CCHCR1: variants seen among roughly 807,000 people sequenced by gnomAD.
The protein encoded by CCHCR1 is HCR (a-helix coiled-coil rod homologue).
Under a neutral mutation model 114.6 loss-of-function variants are expected in CCHCR1, and 91 were observed. That is an observed-to-expected ratio of 0.79 (90% CI 0.67 to 0.94). The LOEUF (loss-of-function observed/expected upper bound fraction) is 0.94, where lower values mean the gene tolerates loss of function less well. Ranked by LOEUF, CCHCR1 falls within the 40% of genes least tolerant of loss-of-function variation. The probability of loss-of-function intolerance (pLI) is 0.00; values close to 1 mark genes in which losing one functional copy is unlikely to be tolerated. For missense variants in CCHCR1, 899 were observed against 1,079.9 expected (o/e 0.83, Z 2.35); for synonymous variants, 379 against 428.5 (o/e 0.88, Z 1.43).
chr6:31,154,702 G>C lies in CCHCR1; in HGVS notation c.595C>G (p.Leu199Val). 6.2e-7 allele frequency: 1 copy of C among 1,609,950 alleles called. No homozygotes were observed. The highest frequency in any genetic ancestry group is 2.2e-5 in the East Asian group (1 of 44,882). ...TGCTGCAGCGAGGTCTCCCGCAGGAGCCGGACCTCCTCCTCCAGCCGCCGC... is the reference window on the plus strand; with the variant it reads ...TGCTGCAGCGAGGTCTCCCGCAGGACCCGGACCTCCTCCTCCAGCCGCCGC... ...ELRRLEEEVR[L>V]LRETSLQQKM... The change falls in exon 4 of 18, where the codon CTC becomes GTC. Residue 199 changes from leucine (L) to valine (V), a missense_variant. By Grantham distance (32) the Leu-to-Val change is conservative. Transcript: ENST00000396268. The surrounding 1 kb of genome is among the most constrained non-coding windows in gnomAD (Gnocchi z 4.1).
chr6:31,157,279 T>A (rs191682934), intron 1 of CCHCR1, 106 bp downstream of exon 1: 7 of 1,047,346 alleles, frequency 6.7e-6, no homozygotes, highest in Non-Finnish European at 9.7e-6. Flanking sequence ...TGGTTCCTCA[T>A]GGAACCCAAG....
At position 31,144,880 on chromosome 6, in the gene CCHCR1, G is replaced by C; in HGVS notation, c.2065+5C>G. On this transcript the variant is annotated splice_donor_5th_base_variant and intron_variant, in intron 14 of 17. Coordinates refer to ENST00000396268, the MANE Select transcript of CCHCR1 (RefSeq NM_001105564.2). The surrounding 1 kb of genome is among the most constrained non-coding windows in gnomAD (Gnocchi z 4.6). ...CAAGGGAAGCACCCATTTCCCTCTC[G>C]ACACCTTGCCCGTAGAGTTCCTGCT... 2 of 1,613,170 alleles carry C rather than the reference G, an allele frequency of 1.2e-6. No homozygotes were observed. Among genetic ancestry groups the C allele is most frequent in the Non-Finnish European group, 8.5e-7 (1 of 1,179,542 alleles).
At chr6:31,147,619 A>G (rs1367468505) in intron 10 of CCHCR1, among the ~76,000 whole-genome samples, 2 of 152,166 alleles carry the variant, frequency 1.3e-5, no homozygotes, top group African/African-American at 2.4e-5. Flanking sequence ...TACATTTTAG[A>G]TGGAATAGTA....
Position 31,150,179 on chromosome 6 carries a change from T to C in CCHCR1, c.1249A>G (p.Arg417Gly). Residue 417 changes from arginine to glycine, a missense_variant, in exon 8 of 18, where the codon AGG (arginine) becomes GGG (glycine). Coordinates refer to ENST00000396268, the MANE Select transcript of CCHCR1 (RefSeq NM_001105564.2). The surrounding 1 kb of genome is among the most constrained non-coding windows in gnomAD (Gnocchi z 5.3). ...PSDSLEPEFTRKCQSLLNRWR... is the reference protein window; with the variant it reads ...PSDSLEPEFTGKCQSLLNRWR... The stretch of plus-strand genomic sequence containing the variant: ...CGGTTCAGCAGGGACTGGCACTTCC[T>C]GGTAAACTCAGGCTCCAGGGAATCT... The C allele has an allele frequency of 6.2e-7, 1 of 1,614,218 alleles. No homozygotes were observed. The highest frequency in any genetic ancestry group is 8.5e-7 in the Non-Finnish European group (1 of 1,180,038).
At chr6:31,147,147 T>C (rs1374652412) in intron 10 of CCHCR1, among the ~76,000 whole-genome samples, 1 of 152,080 alleles carries the variant, frequency 6.6e-6, no homozygotes. Flanking sequence ...AAGCCTGTAA[T>C]CCCAGCACTT....
chr6:31,152,952 C>T (rs72856706), intron 4 of CCHCR1, among the ~76,000 whole-genome samples: 12,890 of 152,080 alleles, frequency 0.085, 662 homozygotes, highest in Middle Eastern at 0.16. Flanking sequence ...CACTGGACTT[C>T]ACACGCCTCT....
chr6:31,157,371 G>A lies in CCHCR1; in HGVS notation c.216+14C>T. The A allele has an allele frequency of 6.3e-7, 1 of 1,592,992 alleles. No individual in the cohort carries two copies. Among genetic ancestry groups the A allele is most frequent in the Non-Finnish European group, 8.6e-7 (1 of 1,161,916 alleles). On this transcript the variant is annotated intron_variant, in intron 1 of 17. Transcript: ENST00000396268. ...CTTTACTCATACTTTCAGGATTCTGGGCAGTGCCTCTACCCTCCTCCTTAA... is the reference window on the plus strand; with the variant it reads ...CTTTACTCATACTTTCAGGATTCTGAGCAGTGCCTCTACCCTCCTCCTTAA...
rs765283990 is a variant in CCHCR1 at position 31,154,722 on chromosome 6, C to T, written c.575G>A (p.Arg192Gln). The change falls in exon 4 of 18, where the codon CGG (arginine) becomes CAG (glutamine). Residue 192 changes from arginine to glutamine, a missense_variant. Coordinates refer to ENST00000396268, the MANE Select transcript of CCHCR1 (RefSeq NM_001105564.2). The surrounding 1 kb of genome is among the most constrained non-coding windows in gnomAD (Gnocchi z 4.1). ...CAGGAGCCGGACCTCCTCCTCCAGC[C>T]GCCGCAGCTCTTGCAGCTGCCGAAC... ...VIVRQLQELR[R>Q]LEEEVRLLRE... 3 of 1,608,670 alleles carry T rather than the reference C, an allele frequency of 1.9e-6. No individual in the cohort carries two copies. The highest frequency in any genetic ancestry group is 2.5e-6 in the Non-Finnish European group (3 of 1,179,732).
rs750557292 is a variant in CCHCR1, at chr6:31,150,897, G to A, written c.966-37C>T. ...GTGGGAATGGGACAGCCATCAGTGG[G>A]GCGCCCTGCAGATCCACCACATCAC... On this transcript the variant is annotated intron_variant, in intron 5 of 17. Transcript: ENST00000396268. The surrounding 1 kb of genome is among the most constrained non-coding windows in gnomAD (Gnocchi z 5.3). 6.2e-7 allele frequency: 1 copy of A among 1,611,506 alleles called. No individual in the cohort carries two copies. The highest frequency in any genetic ancestry group is 1.7e-5 in the Admixed American group (1 of 59,940).
intron 3 of CCHCR1, among the ~76,000 whole-genome samples, chr6:31,155,207 G>A (rs1003228473): frequency 7.9e-5 from 12 of 152,084 alleles, no homozygotes; most frequent in Non-Finnish European, 1.8e-4. Context: ...GAACACACAG[G>A]GACTTCTCAA....
chr6:31,145,283 C>T lies in CCHCR1; in HGVS notation c.1759G>A (p.Val587Ile). 6.2e-7 allele frequency: 1 copy of T among 1,614,028 alleles called. No homozygotes were observed. The highest frequency in any genetic ancestry group is 1.1e-5 in the South Asian group (1 of 91,078). The change falls in exon 13 of 18, where the codon GTC (valine) becomes ATC (isoleucine). Residue 587 changes from valine (V) to isoleucine (I), a missense_variant. Physicochemically the swap from Val to Ile is conservative, Grantham distance 29. Coordinates refer to ENST00000396268, the MANE Select transcript of CCHCR1 (RefSeq NM_001105564.2). ...RQESCPLPPP[V>I]TDVSLELQQL... is the part of the protein sequence containing the mutation. ...TGCAACTCAAGGCTCACGTCTGTGACCGGTGGTGGTAGGGGACAGCTGGGA... is the reference window on the plus strand; with the variant it reads ...TGCAACTCAAGGCTCACGTCTGTGATCGGTGGTGGTAGGGGACAGCTGGGA...
intron 3 of CCHCR1, 88 bp downstream of exon 3, chr6:31,156,643 T>C: frequency 8.8e-7 from 1 of 1,140,936 alleles, no homozygotes; most frequent in African/African-American, 1.6e-5. Context: ...TTCTGGAAAC[T>C]AGGGCCGAAA....
In CCHCR1 at chr6:31,150,845, G is replaced by C; in HGVS notation, c.981C>G (p.Asp327Glu). 1 of 1,612,848 alleles carries C rather than the reference G, an allele frequency of 6.2e-7. No individual in the cohort carries two copies. The highest frequency in any genetic ancestry group is 8.5e-7 in the Non-Finnish European group (1 of 1,179,906). ...LRKQLSKTQEDLEAQVTLVEN... is the reference protein window; with the variant it reads ...LRKQLSKTQEELEAQVTLVEN... ...CAACCAGGGTCACCTGAGCCTCCAA[G>C]TCTTCCTGGGTCTTGCTAGGGTTGG... is the stretch of plus-strand genomic sequence containing the variant. The change falls in exon 6 of 18, where the codon GAC becomes GAG. Residue 327 changes from aspartate (D) to glutamate (E), a missense_variant. Coordinates refer to ENST00000396268, the MANE Select transcript of CCHCR1 (RefSeq NM_001105564.2). The surrounding 1 kb of genome is among the most constrained non-coding windows in gnomAD (Gnocchi z 5.3).
chr6:31,148,638 C>T lies in CCHCR1; in HGVS notation c.1453G>A (p.Val485Met). The change falls in exon 9 of 18, where the codon GTG becomes ATG. Residue 485 changes from valine to methionine, a missense_variant. Physicochemically the swap from Val to Met is conservative, Grantham distance 21 (BLOSUM62 1). Transcript: ENST00000396268. ...CCAACCTTGGCACCCATACGCTCCA[C>T]CTCCACCTCTGCGGCTTTGTCCTGC... Reference protein sequence around the residue: ...SLQDKAAEVEVERMGAKGLQL... With the variant: ...SLQDKAAEVEMERMGAKGLQL... 6.2e-7 allele frequency: 1 copy of T among 1,612,310 alleles called. No homozygotes were observed. The highest frequency in any genetic ancestry group is 8.5e-7 in the Non-Finnish European group (1 of 1,179,302).
In CCHCR1 at chr6:31,148,057, G is replaced by A. The variant is rs989680838; in HGVS notation, c.1580+348C>T. 5.3e-5 allele frequency among the ~76,000 whole-genome samples: 8 copies of A among 152,204 alleles called. No individual in the cohort carries two copies. The East Asian group carries it at 5.8e-4, about 11-fold the overall frequency. On this transcript the variant is annotated intron_variant, in intron 10 of 17. Transcript: ENST00000396268. ...AAATTTTAGAAAAAAAAAGGAAGAT[G>A]AAGTGTCTACACTCTCCATCCTTGA...
Position 31,156,903 on chromosome 6 carries a change from G to A in CCHCR1, c.325C>T (p.Pro109Ser). ...GCCATTCTTGGCAGAGTTGAAAGGGGCCGAGCTTGAAAGTGGGAGGGGGGA... is the reference window on the plus strand; with the variant it reads ...GCCATTCTTGGCAGAGTTGAAAGGGACCGAGCTTGAAAGTGGGAGGGGGGA... ...LIPPSHFQAR[P>S]LSTLPRMAPT... Residue 109 changes from proline to serine, a missense_variant, in exon 3 of 18, where the codon CCC becomes TCC. By Grantham distance (74) the Pro-to-Ser change is moderately conservative. Transcript: ENST00000396268. 1 of 1,612,956 alleles carries A rather than the reference G, an allele frequency of 6.2e-7. No homozygotes were observed. The highest frequency in any genetic ancestry group is 8.5e-7 in the Non-Finnish European group (1 of 1,180,018).
At chr6:31,157,263 T>C (rs1413900155) in intron 1 of CCHCR1, 122 bp downstream of exon 1, 7 of 1,044,164 alleles carry the variant, frequency 6.7e-6, no homozygotes, top group Non-Finnish European at 1.0e-5. Flanking sequence ...CTTGCTTGTC[T>C]CAACCTGGTT....
intron 3 of CCHCR1, chr6:31,156,341 C>G (rs887703227): frequency 3.1e-5 from 7 of 226,764 alleles, no homozygotes; most frequent in Non-Finnish European, 5.9e-5. Context: ...GCATGGCCAG[C>G]TCCCACAGCA....
Position 31,145,501 on chromosome 6 carries a change from GGAAAAAGCAGGGA to G in CCHCR1, c.1694-21_1694-9del. The G allele has an allele frequency of 1.9e-6, 3 of 1,613,790 alleles. No individual in the cohort carries two copies. Among genetic ancestry groups the G allele is most frequent in the Non-Finnish European group, 1.7e-6 (2 of 1,179,750 alleles). ...GCTTTCGAGCAATCAGGCCTGGAGG[GGAAAAAGCAGGGA>G]GAAAAAGAGATGAAGTTTGCATGGG... On this transcript the variant is annotated splice_polypyrimidine_tract_variant and intron_variant, in intron 11 of 17. Transcript: ENST00000396268.
Sources: gnomAD v4.1 joint callset for allele counts (sites outside exome capture counted in the v4.1 genomes callset) on GRCh38, gnomAD v4.1.1 for gene constraint, Gnocchi (gnomAD v3.1) non-coding constraint, MANE v1.5 for transcripts, NCBI Gene and HGNC (gene_info 2026-07-23, HGNC 2026-07-21) for gene names.